The following PIK3CB variants were observed in gnomAD, a reference collection of about 807,000 sequenced individuals.
PIK3CB encodes phosphatidylinositol 4,5-bisphosphate 3-kinase catalytic subunit beta isoform.
PIK3CB carries 39 observed loss-of-function variants against 136.8 expected under a neutral mutation model. The observed-to-expected ratio is 0.29, with a 90% CI of 0.22 to 0.37. PIK3CB has a LOEUF of 0.37. PIK3CB is among the 10% of genes least tolerant of loss of function. The pLI is 1.00. For missense variants in PIK3CB, 868 were observed against 1,275.4 expected (o/e 0.68, Z 4.87); for synonymous variants, 428 against 436.6 (o/e 0.98, Z 0.25).
intron 2 of PIK3CB, among the ~76,000 whole-genome samples, chr3:138,784,467 C>T (rs2045953104): frequency 6.6e-6 from 1 of 152,164 alleles, no homozygotes; most frequent in South Asian, 2.1e-4. Context: ...GCACGGTCTC[C>T]CTCTGATGCC....
intron 1 of PIK3CB, among the ~76,000 whole-genome samples, chr3:138,815,920 C>G (rs1429932741): frequency 2.0e-5 from 3 of 152,226 alleles, no homozygotes; most frequent in Non-Finnish European, 4.4e-5. Context: ...CAATACATGG[C>G]AGCAACTGCT....
In PIK3CB at chr3:138,688,352, T is replaced by C. The variant is rs529280424; in HGVS notation, c.2136+523A>G. On this transcript the variant is annotated intron_variant, in intron 16 of 23. Coordinates refer to ENST00000674063, the MANE Select transcript of PIK3CB (RefSeq NM_006219.3). The stretch of plus-strand genomic sequence containing the variant: ...CTGTCTCTACTAAAAATACAAAATA[T>C]TAGCTGGGCATGGTGGCGCATGCCT... 2.2e-3 allele frequency among the ~76,000 whole-genome samples: 330 copies of C among 151,968 alleles called. 2 individuals are homozygous for C. Among genetic ancestry groups the C allele is most frequent in the African/African-American group, 7.6e-3 (315 of 41,486 alleles).
At chr3:138,704,583 A>G (rs749667357) in intron 11 of PIK3CB, 90 bp from the exon 12 acceptor site, 3 of 820,368 alleles carry the variant, frequency 3.7e-6, no homozygotes, top group Non-Finnish European at 6.3e-6. Context: ...TAGACTACAT[A>G]AGATCTGGCA....
intron 1 of PIK3CB, among the ~76,000 whole-genome samples, chr3:138,807,484 C>A (rs2046246899): frequency 6.6e-6 from 1 of 152,080 alleles, no homozygotes; most frequent in Non-Finnish European, 1.5e-5. Context: ...CATTACAGCA[C>A]TGCTTGTAAT....
At position 138,663,097 on chromosome 3, in the gene PIK3CB, G is replaced by C. The variant is rs550996344; in HGVS notation, c.2796+809C>G. Among the ~76,000 whole-genome samples, 579 of 152,118 alleles carry C rather than the reference G, an allele frequency of 3.8e-3. 5 individuals carry two copies. Among genetic ancestry groups the C allele is most frequent in the African/African-American group, 0.013 (556 of 41,516 alleles). ...ACTAAAGAGCTTCTGCACAGCAAAAGAAACTACCATCAGAGTGAACAGGCA... is the reference window on the plus strand; with the variant it reads ...ACTAAAGAGCTTCTGCACAGCAAAACAAACTACCATCAGAGTGAACAGGCA... On this transcript the variant is annotated intron_variant, in intron 21 of 23. Coordinates refer to ENST00000674063, the MANE Select transcript of PIK3CB (RefSeq NM_006219.3).
intron 13 of PIK3CB, among the ~76,000 whole-genome samples, chr3:138,698,276 T>C (rs762722416): frequency 3.9e-5 from 6 of 152,210 alleles, no homozygotes; most frequent in Non-Finnish European, 7.4e-5. Context: ...TTTGTTCTGA[T>C]TAAAAAACCC....
Position 138,714,713 on chromosome 3 carries a change from C to G in PIK3CB, c.1057G>C (p.Val353Leu). The G allele has an allele frequency of 6.3e-7, 1 of 1,599,020 alleles. No individual in the cohort carries two copies. Among genetic ancestry groups the G allele is most frequent in the Non-Finnish European group, 8.5e-7 (1 of 1,174,584 alleles). ...GTACCATGAAAAAGACCAGCCCTGA[C>G]ATGAACCTGTAACGAAGCAGACAAA... ...LNTEETVKVH[V>L]RAGLFHGTEL... The change falls in exon 9 of 24, where the codon GTC (valine) becomes CTC (leucine). Residue 353 changes from valine (V) to leucine (L), a missense_variant. This residue lies in a region of PIK3CB where 612 missense variants were observed against 801.1 expected (regional missense o/e 0.76). Coordinates refer to ENST00000674063, the MANE Select transcript of PIK3CB (RefSeq NM_006219.3).
chr3:138,757,819 T>C (rs1329326145), intron 3 of PIK3CB, among the ~76,000 whole-genome samples: 5 of 152,146 alleles, frequency 3.3e-5, no homozygotes, highest in African/African-American at 1.2e-4. Context: ...CCCAACATTA[T>C]ATGGTGCAGC....
At chr3:138,689,041 G>A (rs1463096305) in intron 15 of PIK3CB, 67 bp from the exon 16 acceptor site, 2 of 901,914 alleles carry the variant, frequency 2.2e-6, no homozygotes, top group Non-Finnish European at 3.6e-6. Context: ...AATAAATACT[G>A]ACTTCTTTAT....
intron 4 of PIK3CB, among the ~76,000 whole-genome samples, chr3:138,747,368 T>A (rs144514989): frequency 5.9e-4 from 89 of 152,094 alleles, no homozygotes; most frequent in African/African-American, 1.9e-3. Flanking sequence ...CCCTTTTTAC[T>A]GCAATATGCA....
intron 1 of PIK3CB, chr3:138,825,368 T>C: frequency 1.7e-6 from 1 of 577,800 alleles, no homozygotes. Flanking sequence ...TTCTGGCTTA[T>C]ATGCTGAAGT....
intron 1 of PIK3CB, among the ~76,000 whole-genome samples, chr3:138,803,839 G>C (rs1463392408): frequency 6.6e-6 from 1 of 152,114 alleles, no homozygotes; most frequent in Non-Finnish European, 1.5e-5. Context: ...AGTCTCTGTG[G>C]CTTGTCTATC....
chr3:138,654,715 T>C lies in PIK3CB; in HGVS notation c.*674A>G, dbSNP rs1188254059. 1 of 218,902 alleles carries C rather than the reference T, an allele frequency of 4.6e-6. No homozygotes were observed. Among genetic ancestry groups the C allele is most frequent in the Admixed American group, 5.8e-5 (1 of 17,292 alleles). 13.6% of individuals were successfully genotyped at this position (218,902 alleles called of 1,614,324 possible). A position where few individuals can be genotyped will look rare whatever the true frequency, so the allele number is the denominator to read the frequency against. ...GAAGAATACCAAAGAAACATTTATA[T>C]AGAACTCCCACTAGAAATTTTATAA... On this transcript the variant is annotated 3_prime_UTR_variant, in exon 24 of 24. Coordinates refer to ENST00000674063, the MANE Select transcript of PIK3CB (RefSeq NM_006219.3).
At chr3:138,664,966 C>A in intron 20 of PIK3CB, 70 bp downstream of exon 20, 1 of 1,040,226 alleles carries the variant, frequency 9.6e-7, no homozygotes, top group Non-Finnish European at 1.4e-6. Context: ...CTGCTGACTT[C>A]TATTGGGAGC....
chr3:138,796,622 C>G (rs1362381294), intron 1 of PIK3CB, 55 bp from the exon 2 acceptor site: 1 of 151,922 alleles, frequency 6.6e-6, no homozygotes, highest in Admixed American at 6.6e-5. Flanking sequence ...AATTAAGTCA[C>G]GTAAATTTTA....
intron 7 of PIK3CB, 52 bp from the exon 8 acceptor site, chr3:138,733,490 T>C (rs376049200): frequency 2.2e-6 from 2 of 916,438 alleles, no homozygotes; most frequent in African/African-American, 3.3e-5. Context: ...AAATGAATAT[T>C]CTATGCTAGC....
intron 8 of PIK3CB, among the ~76,000 whole-genome samples, chr3:138,726,656 G>A (rs138698867): frequency 6.6e-6 from 1 of 152,274 alleles, no homozygotes; most frequent in East Asian, 1.9e-4. Flanking sequence ...GCTATAAACA[G>A]CTATAAATAA....
intron 13 of PIK3CB, among the ~76,000 whole-genome samples, chr3:138,697,620 A>G (rs2044166054): frequency 6.6e-6 from 1 of 152,052 alleles, no homozygotes; most frequent in South Asian, 2.1e-4. Context: ...TGTTGTAGAG[A>G]CAAGGTTTTG....
chr3:138,741,185 C>T (rs926717760), intron 5 of PIK3CB, among the ~76,000 whole-genome samples: 1 of 152,156 alleles, frequency 6.6e-6, no homozygotes, highest in Admixed American at 6.5e-5. Context: ...TTTTTCACAT[C>T]TGTCCTAACA....
Sources: allele counts gnomAD v4.1 joint callset (sites outside exome capture counted in the v4.1 genomes callset), GRCh38; gene constraint gnomAD v4.1.1; regional missense constraint gnomAD v4.1.1; transcripts MANE v1.5; gene names NCBI Gene and HGNC (gene_info 2026-07-23, HGNC 2026-07-21).